Variants in CLCN7 observed in about 807,000 individuals in gnomAD.
CLCN7 encodes Cl-/H+ antiporter 7.
In CLCN7, 60 loss-of-function variants were observed where a neutral mutation model predicts 102.1. That is an observed-to-expected ratio of 0.59 (90% CI 0.48 to 0.73). The LOEUF (loss-of-function observed/expected upper bound fraction) is 0.73, where lower values mean the gene tolerates loss of function less well. Ranked by LOEUF, CLCN7 falls within the 30% of genes least tolerant of loss-of-function variation. CLCN7 has a pLI of 0.00. For synonymous variants in CLCN7, 560 were observed against 490.5 expected (o/e 1.14, Z -1.87); for missense variants, 962 against 1,125.7 (o/e 0.85, Z 2.08).
chr16:1,451,651 G>A lies in CLCN7; in HGVS notation c.1419C>T (p.Ser473=), dbSNP rs369182927. Reference sequence around the variant, plus strand: ...GCGGGTCGTGGAAGAGGCTCACCACGCTCTTCTCCGGGGTGTTGAAGAAGG... The same window carrying A: ...GCGGGTCGTGGAAGAGGCTCACCACACTCTTCTCCGGGGTGTTGAAGAAGG... ...AAAFFNTPEK[S]VVSLFHDPPG... is the part of the protein sequence containing the mutation. Residue 473 remains serine, a synonymous_variant, in exon 16 of 25, where the codon AGC becomes AGT. Transcript: ENST00000382745. The A allele has an allele frequency of 4.0e-5, 65 of 1,612,326 alleles. No homozygotes were observed. The highest frequency in any genetic ancestry group is 7.7e-5 in the South Asian group (7 of 91,076).
chr16:1,472,172 C>G (rs551293457), intron 1 of CLCN7, among the ~76,000 whole-genome samples: 63 of 152,360 alleles, frequency 4.1e-4, no homozygotes, highest in African/African-American at 1.4e-3. Context: ...TGCTTGTAAG[C>G]AGAGTATCCG....
intron 15 of CLCN7, 82 bp downstream of exon 15, chr16:1,452,673 C>T: frequency 1.4e-6 from 2 of 1,457,730 alleles, no homozygotes; most frequent in Admixed American, 2.1e-5. Context: ...GGCAGCCCTC[C>T]TCCCGTAGCC....
intron 17 of CLCN7, chr16:1,450,114 C>T (rs1319258817): frequency 1.1e-5 from 3 of 278,172 alleles, no homozygotes; most frequent in Admixed American, 9.7e-5. Context: ...GTCTGGAGGG[C>T]AGTGTATGCC....
intron 17 of CLCN7, chr16:1,449,762 C>A (rs893611987): frequency 1.2e-5 from 3 of 240,526 alleles, no homozygotes; most frequent in Non-Finnish European, 2.4e-5. Context: ...GATGACGGAA[C>A]ATTCTAGAAG....
intron 17 of CLCN7, 42 bp from the exon 18 acceptor site, chr16:1,449,369 G>T (rs1273837093): frequency 2.5e-5 from 39 of 1,556,066 alleles, no homozygotes; most frequent in Non-Finnish European, 3.0e-5. Flanking sequence ...GTGGTGGCAG[G>T]CCCAAACCCA....
chr16:1,452,687 G>C, intron 15 of CLCN7, 68 bp downstream of exon 15: 1 of 1,520,204 alleles, frequency 6.6e-7, no homozygotes, highest in Non-Finnish European at 8.9e-7. Context: ...CGTAGCCTAA[G>C]CGAGCCTCCT....
At chr16:1,447,750 G>C (rs200788238) in intron 21 of CLCN7, 36 bp from the exon 22 acceptor site, 2 of 1,545,652 alleles carry the variant, frequency 1.3e-6, no homozygotes, top group South Asian at 1.2e-5. Context: ...CCACGGGCCC[G>C]AGGGTGGGAG....
intron 15 of CLCN7, 86 bp from the exon 16 acceptor site, chr16:1,451,802 G>C: frequency 9.3e-7 from 1 of 1,071,174 alleles, no homozygotes; most frequent in Non-Finnish European, 1.4e-6. Flanking sequence ...GTGAGAGGCC[G>C]TGTACCCTGT....
intron 1 of CLCN7, chr16:1,471,678 T>A (rs2039079785): frequency 6.6e-6 from 1 of 152,224 alleles, no homozygotes; most frequent in South Asian, 2.1e-4. Flanking sequence ...ATGCATGCGT[T>A]AACTTTTTCG....
At chr16:1,456,049 G>A (rs1403789630) in intron 10 of CLCN7, 64 bp downstream of exon 10, 15 of 1,348,680 alleles carry the variant, frequency 1.1e-5, no homozygotes, top group Non-Finnish European at 1.4e-5. Flanking sequence ...CTACAGAGAG[G>A]AGACCGTTCC....
Position 1,457,236 on chromosome 16 carries a change from C to T in CLCN7, c.822+18G>A, listed in dbSNP as rs146192802. The T allele has an allele frequency of 8.7e-4, 1,408 of 1,612,102 alleles. 12 individuals are homozygous for T. In the African/African-American group the frequency reaches 0.017, roughly 19 times the overall value. ...GCCCATGGCATCTGGAGCCCACCCA[C>T]ACAAGATTTCAACTCACCTTGAAAT... On this transcript the variant is annotated intron_variant, in intron 9 of 24. Coordinates refer to ENST00000382745, the MANE Select transcript of CLCN7 (RefSeq NM_001287.6). This position sits in a 1 kb window ranked among gnomAD's most constrained non-coding sequence, Gnocchi z 5.4.
chr16:1,458,474 G>A (rs376071791), intron 7 of CLCN7, among the ~76,000 whole-genome samples: 2 of 152,372 alleles, frequency 1.3e-5, no homozygotes. Flanking sequence ...TCCCACCACA[G>A]GGCAGGGGCA....
chr16:1,470,228 C>T (rs1197395043), intron 1 of CLCN7, among the ~76,000 whole-genome samples: 1 of 152,232 alleles, frequency 6.6e-6, no homozygotes, highest in African/African-American at 2.4e-5. Flanking sequence ...AAGTCCTGGG[C>T]TCAAATAATC....
At chr16:1,446,955 G>A (rs1387823359) in intron 24 of CLCN7, 51 bp downstream of exon 24, 7 of 1,478,684 alleles carry the variant, frequency 4.7e-6, no homozygotes, top group Non-Finnish European at 6.4e-6. Flanking sequence ...CGGGCAGGAG[G>A]CAGAGGGGAG....
At chr16:1,450,707 G>GT in intron 16 of CLCN7, 41 bp from the exon 17 acceptor site, 1 of 1,333,458 alleles carries the variant, frequency 7.5e-7, no homozygotes, top group Non-Finnish European at 1.0e-6. Context: ...CACGACTCCC[G>GT]CCTCCGCAGG....
intron 1 of CLCN7, among the ~76,000 whole-genome samples, chr16:1,466,230 A>G (rs1462328603): frequency 6.6e-6 from 1 of 152,246 alleles, no homozygotes; most frequent in Non-Finnish European, 1.5e-5. Flanking sequence ...GGCCGTGGGA[A>G]GACCAACGAG....
chr16:1,455,495 G>A (rs1246557793), intron 11 of CLCN7: 7 of 653,392 alleles, frequency 1.1e-5, no homozygotes, highest in South Asian at 3.5e-5. Flanking sequence ...CTGGGTTCCC[G>A]GCTGTTTGAT....
At chr16:1,450,798 G>T in intron 16 of CLCN7, 132 bp from the exon 17 acceptor site, 1 of 756,136 alleles carries the variant, frequency 1.3e-6, no homozygotes, top group Non-Finnish European at 2.1e-6. Context: ...GAGCCCAGCG[G>T]TCCCCAGAAG....
At chr16:1,449,716 G>GC (rs2038713834) in intron 17 of CLCN7, 1 of 287,176 alleles carries the variant, frequency 3.5e-6, no homozygotes, top group African/African-American at 3.0e-5. Context: ...AGAAAGCGGG[G>GC]CACGAGGGTC....
Sources: gnomAD v4.1 joint callset for allele counts (sites outside exome capture counted in the v4.1 genomes callset) on GRCh38, gnomAD v4.1.1 for gene constraint, Gnocchi (gnomAD v3.1) non-coding constraint, MANE v1.5 for transcripts, NCBI Gene and HGNC (gene_info 2026-07-23, HGNC 2026-07-21) for gene names.